PIEZO1: variants seen among roughly 807,000 people sequenced by gnomAD.
PIEZO1 encodes piezo type mechanosensitive ion channel component 1 (Er blood group), also known as piezo-type mechanosensitive ion channel component 1.
Under a neutral mutation model 297.2 loss-of-function variants are expected in PIEZO1, and 296 were observed. The observed-to-expected ratio is 1.00, with a 90% CI of 0.91 to 1.10. The LOEUF (loss-of-function observed/expected upper bound fraction) is 1.10. Among genes scored for constraint, PIEZO1 ranks in the 50% least tolerant of loss-of-function variants. The probability of loss-of-function intolerance (pLI) is 0.00; values close to 1 mark genes in which losing one functional copy is unlikely to be tolerated. For missense variants in PIEZO1, 5,018 were observed against 3,455.5 expected (o/e 1.45, Z -11.34); for synonymous variants, 2,427 against 1,507.5 (o/e 1.61, Z -14.13).
chr16:88,739,962 G>C (rs140520840), intron 5 of PIEZO1: 1 of 152,028 alleles, frequency 6.6e-6, no homozygotes, highest in Non-Finnish European at 1.5e-5. Flanking sequence ...TGAGGCCACC[G>C]AGGGGCAGGC....
Position 88,715,789 on chromosome 16 carries a change from T to G in PIEZO1, c.7382A>C (p.Glu2461Ala). 1 of 1,550,302 alleles carries G rather than the reference T, an allele frequency of 6.5e-7. No individual in the cohort carries two copies. Among genetic ancestry groups the G allele is most frequent in the East Asian group, 2.4e-5 (1 of 40,908 alleles). ...IGKFVRGFFS[E>A]ISHSIMFEEL... ...CTCGAACATAATGGAGTGCGAGATC[T>G]CGCTGAAGAATCCGCGCACGAACTT... Residue 2461 changes from glutamate (E) to alanine (A), a missense_variant, in exon 51 of 51, where the codon GAG becomes GCG. By Grantham distance (107) the Glu-to-Ala change is moderately radical. Transcript: ENST00000301015.
rs766488224 is a variant in PIEZO1, at chr16:88,726,801, G to A, written c.3613C>T (p.Gln1205Ter). The A allele has an allele frequency of 1.3e-6, 2 of 1,550,146 alleles. No individual in the cohort carries two copies. Among genetic ancestry groups the A allele is most frequent in the Non-Finnish European group, 1.7e-6 (2 of 1,146,892 alleles). The change falls in exon 25 of 51, where the codon CAG (glutamine) becomes TAG (stop). Residue 1205 changes from glutamine to a stop codon, truncating the protein, a stop_gained. Coordinates refer to ENST00000301015, the MANE Select transcript of PIEZO1 (RefSeq NM_001142864.4). LOFTEE classifies it high-confidence loss of function. Reference protein sequence around the residue: ...YLLLFGTALLQRDTRARLVLW... With the variant: ...YLLLFGTALL ...ACGAGGCGGGCCCGTGTGTCCCTCT[G>A]CAGCAGGGCCGTGCCGAAGAGCAGC...
chr16:88,737,002 C>G (rs1001145258), intron 10 of PIEZO1: 38 of 381,324 alleles, frequency 1.0e-4, no homozygotes, highest in African/African-American at 7.7e-4. Flanking sequence ...CTTTCCAGCT[C>G]TGCGCACCTG....
intron 32 of PIEZO1, 35 bp from the exon 33 acceptor site, chr16:88,723,186 C>G: frequency 1.3e-6 from 2 of 1,549,288 alleles, no homozygotes. Context: ...ACTGGCAGTC[C>G]CGCGGCTTCC....
In PIEZO1 at chr16:88,721,889, G is replaced by C. The variant is rs181441468; in HGVS notation, c.5133C>G (p.Pro1711=). ...GCATGGCCCACAGGAAGACGAGCAC[G>C]GGCAGCACCAGCGAGCCGGCGGAGG... The part of the protein sequence containing the change: ...VTASAGSLVL[P]VLVFLWAMLS... The change falls in exon 37 of 51, where the codon CCC becomes CCG. Residue 1711 remains proline, a synonymous_variant. Coordinates refer to ENST00000301015, the MANE Select transcript of PIEZO1 (RefSeq NM_001142864.4). The C allele has an allele frequency of 3.9e-6, 6 of 1,550,068 alleles. No homozygotes were observed. Among genetic ancestry groups the C allele is most frequent in the East Asian group, 4.9e-5 (2 of 40,902 alleles).
In PIEZO1 at chr16:88,727,073, C is replaced by A. The variant is rs976631855; in HGVS notation, c.3421G>T (p.Glu1141Ter). ...ATAAAGTTGGGCACGGGGTTGGGCT[C>A]CCCCCGCAGCGGCTCCAGGCGGTCG... Reference protein sequence around the residue: ...NTDRLEPLRGEPNPVPNFIHC... With the variant: ...NTDRLEPLRG The change falls in exon 24 of 51, where the codon GAG becomes TAG. Residue 1141 changes from glutamate (E) to a stop codon, truncating the protein, a stop_gained. Transcript: ENST00000301015. LOFTEE classifies it high-confidence loss of function. The A allele has an allele frequency of 6.5e-7, 1 of 1,549,136 alleles. No homozygotes were observed. The highest frequency in any genetic ancestry group is 2.0e-5 in the Admixed American group (1 of 50,944).
chr16:88,744,859 G>A (rs1023597588), intron 2 of PIEZO1, among the ~76,000 whole-genome samples: 14 of 152,028 alleles, frequency 9.2e-5, no homozygotes, highest in African/African-American at 3.1e-4. Flanking sequence ...GGGCACCCCG[G>A]GAAGAGACGC....
intron 1 of PIEZO1, among the ~76,000 whole-genome samples, chr16:88,755,132 G>A (rs1906589412): frequency 3.9e-5 from 6 of 152,322 alleles, no homozygotes; most frequent in Admixed American, 2.6e-4. Context: ...TGTGGCACTA[G>A]CCGAGGACCA....
chr16:88,733,263 C>T lies in PIEZO1; in HGVS notation c.2664+15G>A, dbSNP rs1401502711. The stretch of plus-strand genomic sequence containing the variant: ...CCTGGAGCTTCCTCCCGTCCCAGCC[C>T]TCGGGGGCCGGTACCTCGGTGCAGT... On this transcript the variant is annotated intron_variant, in intron 19 of 50. Transcript: ENST00000301015. 3 of 1,533,984 alleles carry T rather than the reference C, an allele frequency of 2.0e-6. No individual in the cohort carries two copies. The highest frequency in any genetic ancestry group is 2.6e-6 in the Non-Finnish European group (3 of 1,133,590).
intron 1 of PIEZO1, among the ~76,000 whole-genome samples, chr16:88,757,388 C>A (rs923454712): frequency 8.0e-5 from 12 of 150,232 alleles, no homozygotes; most frequent in South Asian, 2.1e-4. Context: ...AATGACAGTG[C>A]CTGAGAGTGT....
intron 1 of PIEZO1, among the ~76,000 whole-genome samples, chr16:88,777,889 C>T (rs2142908546): frequency 6.6e-6 from 1 of 152,262 alleles, no homozygotes; most frequent in African/African-American, 2.4e-5. Context: ...GGGCAGGTGG[C>T]CTCCCTAAAC....
chr16:88,732,840 C>A, intron 19 of PIEZO1, 108 bp from the exon 20 acceptor site: 1 of 1,153,432 alleles, frequency 8.7e-7, no homozygotes, highest in Non-Finnish European at 1.2e-6. Context: ...TGCTCCCCAG[C>A]CAGGGACACG....
chr16:88,765,668 ATT>A (rs397966717), intron 1 of PIEZO1, among the ~76,000 whole-genome samples: 80 of 131,672 alleles, frequency 6.1e-4, no homozygotes, highest in African/African-American at 6.6e-4. Context: ...GTTATCTCTA[ATT>A]TTTTTTTTTT....
chr16:88,727,530 G>A, intron 23 of PIEZO1, 27 bp downstream of exon 23: 1 of 890,036 alleles, frequency 1.1e-6, no homozygotes, highest in Non-Finnish European at 1.8e-6. Flanking sequence ...GTCCTCTGCA[G>A]AGGCGGGGGT....
chr16:88,783,224 C>T (rs115295893), intron 1 of PIEZO1, among the ~76,000 whole-genome samples: 2,092 of 152,276 alleles, frequency 0.014, 36 homozygotes, highest in African/African-American at 0.047. Flanking sequence ...ACCCAGGCCC[C>T]CTGACCAATG....
chr16:88,730,583 G>A (rs1293100362), intron 22 of PIEZO1, among the ~76,000 whole-genome samples: 3 of 127,828 alleles, frequency 2.3e-5, no homozygotes, highest in African/African-American at 6.3e-5. Context: ...GGGTGACAGA[G>A]CAAGACTCCA....
At chr16:88,757,699 G>C (rs560061679) in intron 1 of PIEZO1, among the ~76,000 whole-genome samples, 1 of 152,280 alleles carries the variant, frequency 6.6e-6, no homozygotes, top group East Asian at 1.9e-4. Context: ...GAAGGAGCCA[G>C]GCTGCGGGCC....
chr16:88,743,831 C>T (rs1905861257), intron 2 of PIEZO1: 1 of 360,264 alleles, frequency 2.8e-6, no homozygotes, highest in African/African-American at 2.1e-5. Context: ...CAGGCCCTGA[C>T]CTGCTGACCC....
chr16:88,720,997 G>T (rs1912396895), intron 39 of PIEZO1, among the ~76,000 whole-genome samples, 169 bp downstream of exon 39: 1 of 152,162 alleles, frequency 6.6e-6, no homozygotes, highest in African/African-American at 2.4e-5. Context: ...AGCAGTCAGG[G>T]ACGGCTCTGT....
Sources: gnomAD v4.1 joint callset for allele counts (sites outside exome capture counted in the v4.1 genomes callset) on GRCh38, gnomAD v4.1.1 for gene constraint, MANE v1.5 for transcripts, NCBI Gene and HGNC (gene_info 2026-07-23, HGNC 2026-07-21) for gene names.